The following NUMB variants were observed in gnomAD, a reference collection of about 807,000 sequenced individuals.
The protein encoded by NUMB is protein numb homolog.
In NUMB, 29 loss-of-function variants were observed where a neutral mutation model predicts 59.7. The ratio of observed to expected loss-of-function variants is 0.49; its 90% CI spans 0.36 to 0.66. The LOEUF is 0.66. NUMB is among the 30% of genes least tolerant of loss of function. The pLI is 0.00. For missense variants in NUMB, 723 were observed against 822.0 expected (o/e 0.88, Z 1.47); for synonymous variants, 288 against 288.2 (o/e 1.00, Z 0.01).
chr14:73,365,799 T>C (rs1255874759), intron 3 of NUMB, among the ~76,000 whole-genome samples: 1 of 152,190 alleles, frequency 6.6e-6, no homozygotes, highest in Non-Finnish European at 1.5e-5. Context: ...TTTAATGAAA[T>C]TGTAGTAATA....
intron 1 of NUMB, among the ~76,000 whole-genome samples, chr14:73,444,856 A>AG: frequency 4.9e-5 from 1 of 20,496 alleles, no homozygotes; most frequent in Non-Finnish European, 1.3e-4. Context: ...ACTCCGTCTC[A>AG]AAAAAAAAAA....
intron 4 of NUMB, among the ~76,000 whole-genome samples, chr14:73,350,989 G>A (rs1347040630): frequency 6.6e-6 from 1 of 152,096 alleles, no homozygotes; most frequent in East Asian, 1.9e-4. Context: ...CTACACTGCA[G>A]CCAAAGTCAT....
In NUMB at chr14:73,451,967, G is replaced by A. The variant is rs78935212; in HGVS notation, c.-233+6526C>T. ...AGACTTTGATCTTGGTTAAAAGAAC[G>A]TAAGATAGCCTGAGCACGGTAGCTC... On this transcript the variant is annotated intron_variant, in intron 1 of 12. Coordinates refer to ENST00000555238, the MANE Select transcript of NUMB (RefSeq NM_001005743.2). 1.8e-3 allele frequency among the ~76,000 whole-genome samples: 278 copies of A among 152,258 alleles called. 10 individuals are homozygous for A. The East Asian group carries it at 0.048, about 26-fold the overall frequency.
chr14:73,287,433 C>CA, intron 8 of NUMB, 119 bp from the exon 9 acceptor site: 1 of 848,154 alleles, frequency 1.2e-6, no homozygotes, highest in East Asian at 2.7e-5. Context: ...GGCTGGAGTG[C>CA]AGTGGCGCAG....
At chr14:73,390,795 A>G (rs1895813889) in intron 2 of NUMB, among the ~76,000 whole-genome samples, 1 of 151,438 alleles carries the variant, frequency 6.6e-6, no homozygotes. Flanking sequence ...GATTACAGAC[A>G]CATGCCACCA....
At chr14:73,330,641 C>A (rs1444281247) in intron 4 of NUMB, among the ~76,000 whole-genome samples, 1 of 152,178 alleles carries the variant, frequency 6.6e-6, no homozygotes, top group East Asian at 1.9e-4. Flanking sequence ...CTACAAAGTA[C>A]TTAGAACCAT....
At chr14:73,299,071 CAG>C (rs1157756030) in intron 6 of NUMB, 1 of 152,046 alleles carries the variant, frequency 6.6e-6, no homozygotes, top group East Asian at 1.9e-4. Flanking sequence ...GGTAGGGAGA[CAG>C]GGAAGTAACA....
intron 1 of NUMB, among the ~76,000 whole-genome samples, chr14:73,429,855 A>AT (rs1287969470): frequency 1.3e-5 from 2 of 151,856 alleles, no homozygotes; most frequent in East Asian, 1.9e-4. Context: ...AGGCAAGAGA[A>AT]TTGCTTGAAA....
At chr14:73,283,290 T>C (rs970848932) in intron 10 of NUMB, among the ~76,000 whole-genome samples, 2 of 152,226 alleles carry the variant, frequency 1.3e-5, no homozygotes, top group African/African-American at 4.8e-5. Context: ...AACTATTCTT[T>C]AGGCCTAGTT....
chr14:73,330,608 T>G (rs942489325), intron 4 of NUMB, among the ~76,000 whole-genome samples: 1 of 152,336 alleles, frequency 6.6e-6, no homozygotes, highest in South Asian at 2.1e-4. Flanking sequence ...CACTGGCAGT[T>G]TGAGGATTAA....
At chr14:73,352,469 CACACACACATATATATATAT>C (rs1893387751) in intron 4 of NUMB, among the ~76,000 whole-genome samples, 1 of 24,652 alleles carries the variant, frequency 4.1e-5, no homozygotes, top group African/African-American at 1.5e-4. Context: ...TACACACACA[CACACACACATATATATATAT>C]ATATATATAT....
At chr14:73,444,726 G>A (rs1352730550) in intron 1 of NUMB, among the ~76,000 whole-genome samples, 1 of 151,094 alleles carries the variant, frequency 6.6e-6, no homozygotes, top group African/African-American at 2.4e-5. Flanking sequence ...GCGTGGTGGC[G>A]TGCGCCTGTA....
At chr14:73,362,268 G>A (rs1427248098) in intron 3 of NUMB, among the ~76,000 whole-genome samples, 2 of 151,556 alleles carry the variant, frequency 1.3e-5, no homozygotes, top group African/African-American at 2.4e-5. Context: ...AAAAAAAAAT[G>A]CTACCAAAAT....
intron 4 of NUMB, among the ~76,000 whole-genome samples, chr14:73,329,221 G>T (rs1891824955): frequency 6.6e-6 from 1 of 152,140 alleles, no homozygotes; most frequent in African/African-American, 2.4e-5. Flanking sequence ...TCATCTCGAT[G>T]AGGTTAATTT....
intron 6 of NUMB, among the ~76,000 whole-genome samples, chr14:73,306,721 T>C (rs1890454851): frequency 6.6e-6 from 1 of 152,240 alleles, no homozygotes; most frequent in Non-Finnish European, 1.5e-5. Context: ...TCTTCCTTTT[T>C]GCTCCTGGAG....
At chr14:73,354,169 G>A (rs1893637715) in intron 4 of NUMB, among the ~76,000 whole-genome samples, 1 of 151,724 alleles carries the variant, frequency 6.6e-6, no homozygotes, top group Non-Finnish European at 1.5e-5. Flanking sequence ...CAGTGGTACT[G>A]AGGCAGTAAA....
intron 3 of NUMB, among the ~76,000 whole-genome samples, chr14:73,362,756 A>G (rs1371277051): frequency 6.6e-6 from 1 of 152,146 alleles, no homozygotes; most frequent in African/African-American, 2.4e-5. Flanking sequence ...TTATAAATAG[A>G]AAATCAGCCT....
At chr14:73,321,036 C>T (rs550419032) in intron 5 of NUMB, among the ~76,000 whole-genome samples, 18 of 151,520 alleles carry the variant, frequency 1.2e-4, no homozygotes, top group Admixed American at 3.3e-4. Flanking sequence ...TATATAATAA[C>T]GAGATATTTC....
At chr14:73,405,891 TTGGCATAA>T (rs1566783090) in intron 2 of NUMB, among the ~76,000 whole-genome samples, 2 of 152,018 alleles carry the variant, frequency 1.3e-5, no homozygotes, top group Non-Finnish European at 2.9e-5. Flanking sequence ...CTGATACCAA[TTGGCATAA>T]TAAAAACTCT....
Sources: gnomAD v4.1 joint callset for allele counts (sites outside exome capture counted in the v4.1 genomes callset) on GRCh38, gnomAD v4.1.1 for gene constraint, MANE v1.5 for transcripts, NCBI Gene and HGNC (gene_info 2026-07-23, HGNC 2026-07-21) for gene names.